PHACTR2: variants seen among roughly 807,000 people sequenced by gnomAD.
PHACTR2 encodes chromosome 6 open reading frame 56.
Under a neutral mutation model 76.0 loss-of-function variants are expected in PHACTR2, and 30 were observed. The ratio of observed to expected loss-of-function variants is 0.39; its 90% confidence interval spans 0.30 to 0.54. PHACTR2 has a LOEUF of 0.54. PHACTR2 is among the 20% of genes least tolerant of loss of function. The probability of loss-of-function intolerance (pLI) is 0.61; values close to 1 mark genes in which losing one functional copy is unlikely to be tolerated. For synonymous variants in PHACTR2, 292 were observed against 292.5 expected (o/e 1.00, Z 0.02); for missense variants, 696 against 781.1 (o/e 0.89, Z 1.30).
rs1257146005 is a variant in PHACTR2 at position 143,753,893 on chromosome 6, A to G, written c.435A>G (p.Glu145=). The G allele has an allele frequency of 1.2e-6, 2 of 1,603,630 alleles. No homozygotes were observed. Among genetic ancestry groups the G allele is most frequent in the Non-Finnish European group, 1.7e-6 (2 of 1,177,218 alleles). ...SVSEKTPPLE[E]QAEDKKENTE... ...CTGAAAAAACACCACCTCTGGAGGA[A>G]CAGGCAGAAGATAAGAAAGGTAAAA... Residue 145 remains glutamate (E), a synonymous_variant, in exon 4 of 13, where the codon GAA becomes GAG. Coordinates refer to ENST00000440869, the MANE Select transcript of PHACTR2 (RefSeq NM_001100164.2). The surrounding 1 kb of genome is among the most constrained non-coding windows in gnomAD (Gnocchi z 4.6).
chr6:143,711,738 G>A lies in PHACTR2; in HGVS notation c.47-278G>A, dbSNP rs187712743. 71 of 628,148 alleles carry A rather than the reference G, an allele frequency of 1.1e-4. No homozygotes were observed. In the Middle Eastern group the frequency reaches 1.6e-3, roughly 14 times the overall value. 38.9% of individuals were successfully genotyped at this position (628,148 alleles called of 1,614,324 possible). A position where few individuals can be genotyped will look rare whatever the true frequency, so the allele number is the denominator to read the frequency against. Reference sequence around the variant, plus strand: ...GGTTGTTGCAGATGGATTCAGCTGTGTTGCACAGACACTCATTTGTCTGGC... The same window carrying A: ...GGTTGTTGCAGATGGATTCAGCTGTATTGCACAGACACTCATTTGTCTGGC... On this transcript the variant is annotated intron_variant, in intron 1 of 12. Transcript: ENST00000440869.
chr6:143,575,540 GATGGTGCAGTGGTC>G (rs1346315268), intron 1 of PHACTR2, among the ~76,000 whole-genome samples: 1 of 152,184 alleles, frequency 6.6e-6, no homozygotes, highest in Admixed American at 6.5e-5. Flanking sequence ...GTGGACACTA[GATGGTGCAGTGGTC>G]ATACTGATCA....
In PHACTR2 at chr6:143,698,767, T is replaced by TG. The variant is rs1777831034; in HGVS notation, c.47-13248dup. 1.3e-5 allele frequency among the ~76,000 whole-genome samples: 2 copies of TG among 152,236 alleles called. No homozygotes were observed. The highest frequency in any genetic ancestry group is 3.9e-4 in the East Asian group (2 of 5,194). On this transcript the variant is annotated intron_variant, in intron 1 of 12. Transcript: ENST00000440869. This position sits in a 1 kb window ranked among gnomAD's most constrained non-coding sequence, Gnocchi z 4.3. ...TAAGGGCAGAGATCTGATCTGTTTT[T>TG]GCTTACCATTGTAGCCCTTCCTCTA...
At position 143,823,541 on chromosome 6, in the gene PHACTR2, T is replaced by C. The variant is rs78321126; in HGVS notation, c.1923-133T>C. On this transcript the variant is annotated intron_variant, in intron 12 of 12. Transcript: ENST00000440869. This position sits in a 1 kb window ranked among gnomAD's most constrained non-coding sequence, Gnocchi z 5.7. ...AACAGTATTTTGTTATGACAGAAAT[T>C]TGTAAACAGTAATTCAGTTGGGGGA... is the stretch of plus-strand genomic sequence containing the variant. The C allele has an allele frequency of 0.058, 36,425 of 623,062 alleles. 1,267 individuals carry two copies. Among genetic ancestry groups the C allele is most frequent in the South Asian group, 0.12 (5,521 of 45,946 alleles). 38.6% of individuals were successfully genotyped at this position (623,062 alleles called of 1,614,324 possible). A position where few individuals can be genotyped will look rare whatever the true frequency, so the allele number is the denominator to read the frequency against.
Position 143,782,323 on chromosome 6 carries a change from A to G in PHACTR2, c.1646-896A>G, listed in dbSNP as rs1197172620. On this transcript the variant is annotated intron_variant, in intron 9 of 12. Coordinates refer to ENST00000440869, the MANE Select transcript of PHACTR2 (RefSeq NM_001100164.2). This position sits in a 1 kb window ranked among gnomAD's most constrained non-coding sequence, Gnocchi z 4.6. Reference sequence around the variant, plus strand: ...CTTTATATGGTGTTATTTTCCTGCAAAAGAGTTCATAATAGCACTTTCTAA... The same window carrying G: ...CTTTATATGGTGTTATTTTCCTGCAGAAGAGTTCATAATAGCACTTTCTAA... Among the ~76,000 whole-genome samples, 1 of 152,186 alleles carries G rather than the reference A, an allele frequency of 6.6e-6. No homozygotes were observed. Among genetic ancestry groups the G allele is most frequent in the African/African-American group, 2.4e-5 (1 of 41,454 alleles).
chr6:143,551,295 G>A (rs778422065), intron 1 of PHACTR2, among the ~76,000 whole-genome samples: 1 of 149,758 alleles, frequency 6.7e-6, no homozygotes, highest in Non-Finnish European at 1.5e-5. Context: ...ACCTATGATA[G>A]AGTTTAATTT....
At chr6:143,657,765 T>G (rs1186011909) in intron 1 of PHACTR2, among the ~76,000 whole-genome samples, 3 of 151,964 alleles carry the variant, frequency 2.0e-5, no homozygotes, top group African/African-American at 7.3e-5. Context: ...CAAGGTGGGG[T>G]GTGGGGACCT....
At position 143,553,432 on chromosome 6, in the gene PHACTR2, G is replaced by A. The variant is rs1289887659; in HGVS notation, c.217+16225G>A. Among the ~76,000 whole-genome samples the A allele has an allele frequency of 6.6e-6, 1 of 152,196 alleles. No homozygotes were observed. The highest frequency in any genetic ancestry group is 1.9e-4 in the East Asian group (1 of 5,196). On this transcript the variant is annotated intron_variant, in intron 1 of 11. Coordinates refer to the PHACTR2 transcript ENST00000367584. The surrounding 1 kb of genome is among the most constrained non-coding windows in gnomAD (Gnocchi z 4.2). The stretch of plus-strand genomic sequence containing the variant: ...TATCATACAAACCAGGAAGAGGGGA[G>A]TTGGTGCATGTAAACCCAGCTGGGT...
Position 143,830,185 on chromosome 6 carries a change from AC to A in PHACTR2, c.*6497del, listed in dbSNP as rs748985332. On this transcript the variant is annotated 3_prime_UTR_variant, in exon 13 of 13. Transcript: ENST00000440869. Reference sequence around the variant, plus strand: ...TTTCTTTTTCTTTTTTTTAAAAAAAACATTTCTTCTGTGGCTTAGAAATGTG... The same window carrying A: ...TTTCTTTTTCTTTTTTTTAAAAAAAAATTTCTTCTGTGGCTTAGAAATGTG... 6 of 152,198 alleles carry A rather than the reference AC, an allele frequency of 3.9e-5. No individual in the cohort carries two copies. The highest frequency in any genetic ancestry group is 2.1e-4 in the South Asian group (1 of 4,830). 9.4% of individuals were successfully genotyped at this position (152,198 alleles called of 1,614,324 possible). A position where few individuals can be genotyped will look rare whatever the true frequency, so the allele number is the denominator to read the frequency against.
Position 143,599,932 on chromosome 6 carries a change from T to C in PHACTR2, c.217+62725T>C, listed in dbSNP as rs1775795586. On this transcript the variant is annotated intron_variant, in intron 1 of 11. Transcript: ENST00000367584. The surrounding 1 kb of genome is among the most constrained non-coding windows in gnomAD (Gnocchi z 4.6). ...TTTGGCAAACTCAGAGCAGATGCCT[T>C]GTCTAAAGCTTTCAAGGTTTGGCCT... Among the ~76,000 whole-genome samples, 1 of 152,218 alleles carries C rather than the reference T, an allele frequency of 6.6e-6. No homozygotes were observed.
In PHACTR2 at chr6:143,570,042, C is replaced by T. The variant is rs1367088840; in HGVS notation, c.217+32835C>T. On this transcript the variant is annotated intron_variant, in intron 1 of 11. Coordinates refer to the PHACTR2 transcript ENST00000367584. The surrounding 1 kb of genome is among the most constrained non-coding windows in gnomAD (Gnocchi z 4.6). ...TATAAAAAATGTTTAAATCTAGGAA[C>T]CTAAATAATAAAAGTCCCAGTCCAA... Among the ~76,000 whole-genome samples, 2 of 152,074 alleles carry T rather than the reference C, an allele frequency of 1.3e-5. No homozygotes were observed. Among genetic ancestry groups the T allele is most frequent in the South Asian group, 4.2e-4 (2 of 4,818 alleles).
At position 143,760,409 on chromosome 6, in the gene PHACTR2, G is replaced by A. The variant is rs760782112; in HGVS notation, c.463G>A (p.Glu155Lys). The A allele has an allele frequency of 2.4e-4, 381 of 1,610,028 alleles. 1 individual carries two copies. The highest frequency in any genetic ancestry group is 2.7e-4 in the Non-Finnish European group (320 of 1,177,982). ...CACTTTCTCGTTTATAGAGAACACT[G>A]AAAACCACTCTGAAACACCGGCAGC... is the stretch of plus-strand genomic sequence containing the variant. The part of the protein sequence containing the change: ...EQAEDKKENT[E>K]NHSETPAAPA... The change falls in exon 5 of 13, where the codon GAA (glutamate) becomes AAA (lysine). Residue 155 changes from glutamate to lysine, a missense_variant. By Grantham distance (56) the Glu-to-Lys change is moderately conservative. Coordinates refer to ENST00000440869, the MANE Select transcript of PHACTR2 (RefSeq NM_001100164.2). The surrounding 1 kb of genome is among the most constrained non-coding windows in gnomAD (Gnocchi z 6.4).
intron 5 of PHACTR2, among the ~76,000 whole-genome samples, chr6:143,763,226 G>T (rs148768191): frequency 6.6e-6 from 1 of 152,050 alleles, no homozygotes; most frequent in Non-Finnish European, 1.5e-5. Flanking sequence ...AGGCGTGGTG[G>T]TGGGCACCTG....
chr6:143,751,068 G>A lies in PHACTR2; in HGVS notation c.295+2003G>A, dbSNP rs1779172803. On this transcript the variant is annotated intron_variant, in intron 3 of 12. Coordinates refer to ENST00000440869, the MANE Select transcript of PHACTR2 (RefSeq NM_001100164.2). The surrounding 1 kb of genome is among the most constrained non-coding windows in gnomAD (Gnocchi z 5.7). The stretch of plus-strand genomic sequence containing the variant: ...TGGAGAATTTCAGTCTGAGAGACTA[G>A]AAGCTGCTGTTCTTGGTAACAACCT... Among the ~76,000 whole-genome samples, 1 of 152,200 alleles carries A rather than the reference G, an allele frequency of 6.6e-6. No individual in the cohort carries two copies. The highest frequency in any genetic ancestry group is 2.1e-4 in the South Asian group (1 of 4,828).
intron 1 of PHACTR2, among the ~76,000 whole-genome samples, chr6:143,711,422 T>C (rs1257863537): frequency 6.6e-6 from 1 of 152,216 alleles, no homozygotes; most frequent in Non-Finnish European, 1.5e-5. Flanking sequence ...AAAGACATGT[T>C]TTTATCACAC....
intron 1 of PHACTR2, among the ~76,000 whole-genome samples, chr6:143,636,349 A>G (rs1474706626): frequency 6.6e-6 from 1 of 152,142 alleles, no homozygotes; most frequent in East Asian, 1.9e-4. Context: ...TGGGATCCCC[A>G]TTTATTTTCT....
chr6:143,612,274 G>A (rs368692780), intron 1 of PHACTR2, among the ~76,000 whole-genome samples: 1 of 152,134 alleles, frequency 6.6e-6, no homozygotes. Context: ...AATAATTAGG[G>A]TAAAGGCCAG....
chr6:143,768,383 T>C (rs1285079759), intron 6 of PHACTR2, among the ~76,000 whole-genome samples: 1 of 152,212 alleles, frequency 6.6e-6, no homozygotes, highest in African/African-American at 2.4e-5. Context: ...TAGTTAAGAC[T>C]AGCTTTTACC....
intron 10 of PHACTR2, among the ~76,000 whole-genome samples, chr6:143,788,205 T>C (rs1775597290): frequency 6.6e-6 from 1 of 152,152 alleles, no homozygotes; most frequent in Non-Finnish European, 1.5e-5. Context: ...TGTACATCGG[T>C]TTTTCTGGCC....
Sources: allele counts gnomAD v4.1 joint callset (sites outside exome capture counted in the v4.1 genomes callset), GRCh38; gene constraint gnomAD v4.1.1; non-coding constraint Gnocchi (gnomAD v3.1); transcripts MANE v1.5; gene names NCBI Gene and HGNC (gene_info 2026-07-23, HGNC 2026-07-21).